Variants in MSS51 observed in about 807,000 individuals in gnomAD.
MSS51 encodes the protein MSS51 mitochondrial translational activator.
Under a neutral mutation model 40.2 loss-of-function variants are expected in MSS51, and 32 were observed. The observed-to-expected ratio is 0.80, with a 90% CI of 0.60 to 1.07. The LOEUF (loss-of-function observed/expected upper bound fraction) is 1.07, where lower values mean the gene tolerates loss of function less well. MSS51 is among the 50% of genes least tolerant of loss of function. The pLI is 0.00. For missense variants in MSS51, 518 were observed against 568.9 expected (o/e 0.91, Z 0.91); for synonymous variants, 178 against 214.2 (o/e 0.83, Z 1.48).
intron 1 of MSS51, chr10:73,429,760 C>A: frequency 2.2e-6 from 1 of 445,606 alleles, no homozygotes; most frequent in South Asian, 1.6e-5. Context: ...TACTGATAAA[C>A]AGATGAAATC....
chr10:73,428,201 C>A lies in MSS51; in HGVS notation c.84G>T (p.Val28=), dbSNP rs367847987. The part of the protein sequence containing the change: ...APIIMAPTTI[V]TPVPLTPSKP... ...TTGAGGGGGTCAGAGGCACAGGGGT[C>A]ACAATTGTGGTTGGGGCCATGATGA... The change falls in exon 2 of 7, where the codon GTG becomes GTT. Residue 28 remains valine (V), a synonymous_variant. Transcript: ENST00000299432. 1.9e-5 allele frequency: 30 copies of A among 1,613,928 alleles called. No homozygotes were observed. The African/African-American group carries it at 3.7e-4, about 20-fold the overall frequency.
At chr10:73,430,189 G>C (rs1015475380) in intron 1 of MSS51, among the ~76,000 whole-genome samples, 2 of 152,116 alleles carry the variant, frequency 1.3e-5, no homozygotes, top group African/African-American at 4.8e-5. Context: ...TCATGACATA[G>C]GTTTGGCAAT....
intron 1 of MSS51, among the ~76,000 whole-genome samples, chr10:73,432,970 G>C (rs971666549): frequency 6.6e-6 from 1 of 152,152 alleles, no homozygotes; most frequent in Non-Finnish European, 1.5e-5. Flanking sequence ...ACTTTCCAGA[G>C]TCTAGAATGC....
Position 73,423,676 on chromosome 10 carries a change from A to G in MSS51, c.*877T>C, listed in dbSNP as rs1163656652. ...AAGTCTGATATAGCTTGGGATATCTAAAATATAACACCAGGGCTACTCTAG... is the reference window on the plus strand; with the variant it reads ...AAGTCTGATATAGCTTGGGATATCTGAAATATAACACCAGGGCTACTCTAG... On this transcript the variant is annotated 3_prime_UTR_variant, in exon 7 of 7. Transcript: ENST00000299432. The G allele has an allele frequency of 6.6e-6, 1 of 152,226 alleles. No homozygotes were observed. Among genetic ancestry groups the G allele is most frequent in the Non-Finnish European group, 1.5e-5 (1 of 68,052 alleles). The allele number at this position is 152,226 out of a possible 1,614,324, so 9.4% of individuals were successfully genotyped here. A position where few individuals can be genotyped will look rare whatever the true frequency, so the allele number is the denominator to read the frequency against.
At position 73,425,022 on chromosome 10, in the gene MSS51, G is replaced by A. The variant is rs2055971098; in HGVS notation, c.1163+76C>T. ...CACCAGAAGGTAGATGAGCAAGAGGGGGGCAAAAATGAGCTCATCTATATA... is the reference window on the plus strand; with the variant it reads ...CACCAGAAGGTAGATGAGCAAGAGGAGGGCAAAAATGAGCTCATCTATATA... On this transcript the variant is annotated intron_variant, in intron 6 of 6. Coordinates refer to ENST00000299432, the MANE Select transcript of MSS51 (RefSeq NM_001024593.2). The A allele has an allele frequency of 9.3e-6, 11 of 1,176,704 alleles. No individual in the cohort carries two copies. The South Asian group carries it at 1.2e-4, about 13-fold the overall frequency. The allele number at this position is 1,176,704 out of a possible 1,614,324, so 72.9% of individuals were successfully genotyped here. A position where few individuals can be genotyped will look rare whatever the true frequency, so the allele number is the denominator to read the frequency against.
At chr10:73,429,433 T>C (rs1051232068) in intron 1 of MSS51, among the ~76,000 whole-genome samples, 1 of 152,210 alleles carries the variant, frequency 6.6e-6, no homozygotes, top group Non-Finnish European at 1.5e-5. Flanking sequence ...ATTGGAGAGT[T>C]AGACAGTTTA....
chr10:73,429,030 C>A (rs1399444248), intron 1 of MSS51, among the ~76,000 whole-genome samples: 3 of 151,522 alleles, frequency 2.0e-5, no homozygotes, highest in Non-Finnish European at 2.9e-5. Context: ...CATGGTGAAA[C>A]CCCATCTGTA....
chr10:73,429,644 T>C (rs1328085283), intron 1 of MSS51: 1 of 456,470 alleles, frequency 2.2e-6, no homozygotes, highest in Non-Finnish European at 4.4e-6. Flanking sequence ...GACTCTGTGC[T>C]GTCCTCTTTC....
At chr10:73,429,689 C>T (rs1228711609) in intron 1 of MSS51, 1 of 456,064 alleles carries the variant, frequency 2.2e-6, no homozygotes, top group South Asian at 1.5e-5. Context: ...TCCATAAGAG[C>T]TGAGTAAACA....
At position 73,424,448 on chromosome 10, in the gene MSS51, A is replaced by G. The variant is rs2055965241; in HGVS notation, c.*105T>C. The G allele has an allele frequency of 2.4e-5, 21 of 860,380 alleles. No individual in the cohort carries two copies. Among genetic ancestry groups the G allele is most frequent in the Non-Finnish European group, 3.8e-5 (20 of 525,546 alleles). The allele number at this position is 860,380 out of a possible 1,614,324, so 53.3% of individuals were successfully genotyped here. ...CTTAGAATTTTTACCCAAACAGTAA[A>G]TGAGGTTTAGAATATAATGTTTTTC... On this transcript the variant is annotated 3_prime_UTR_variant, in exon 7 of 7. Transcript: ENST00000299432.
At chr10:73,425,269 G>T in intron 5 of MSS51, 78 bp from the exon 6 acceptor site, 1 of 857,470 alleles carries the variant, frequency 1.2e-6, no homozygotes, top group Non-Finnish European at 1.8e-6. Flanking sequence ...TTGACTGTGA[G>T]CACCCCACCC....
chr10:73,432,859 C>T lies in MSS51; in HGVS notation c.-18+654G>A, dbSNP rs117471858. 3.3e-5 allele frequency among the ~76,000 whole-genome samples: 5 copies of T among 152,200 alleles called. No individual in the cohort carries two copies. The East Asian group carries it at 9.7e-4, about 29-fold the overall frequency. On this transcript the variant is annotated intron_variant, in intron 1 of 6. Coordinates refer to ENST00000299432, the MANE Select transcript of MSS51 (RefSeq NM_001024593.2). ...TGGTTCTAAATCTCCTGTAAAGAGCCCCAGGCTACTCCCTGTTCACAGGTT... is the reference window on the plus strand; with the variant it reads ...TGGTTCTAAATCTCCTGTAAAGAGCTCCAGGCTACTCCCTGTTCACAGGTT...
At chr10:73,433,067 G>A (rs933131491) in intron 1 of MSS51, among the ~76,000 whole-genome samples, 1 of 152,060 alleles carries the variant, frequency 6.6e-6, no homozygotes, top group African/African-American at 2.4e-5. Flanking sequence ...ATAAGAGAGA[G>A]AACACCAACA....
intron 6 of MSS51, 37 bp downstream of exon 6, chr10:73,425,061 A>G (rs1384505708): frequency 6.7e-7 from 1 of 1,482,308 alleles, no homozygotes; most frequent in Admixed American, 1.7e-5. Flanking sequence ...AGAGATGTAA[A>G]GTCAGGGAAG....
intron 4 of MSS51, 105 bp from the exon 5 acceptor site, chr10:73,426,482 G>A (rs1231833517): frequency 1.9e-6 from 3 of 1,577,316 alleles, no homozygotes; most frequent in African/African-American, 2.7e-5. Context: ...GCCAACCTGT[G>A]AGCAGGCGTG....
chr10:73,425,060 A>G lies in MSS51; in HGVS notation c.1163+38T>C, dbSNP rs527347768. On this transcript the variant is annotated intron_variant, in intron 6 of 6. Coordinates refer to ENST00000299432, the MANE Select transcript of MSS51 (RefSeq NM_001024593.2). ...GCTCATCTATATAAAGAGAGATGTAAAGTCAGGGAAGTATCACAAATAGGA... is the reference window on the plus strand; with the variant it reads ...GCTCATCTATATAAAGAGAGATGTAGAGTCAGGGAAGTATCACAAATAGGA... The G allele has an allele frequency of 7.4e-6, 11 of 1,477,842 alleles. No individual in the cohort carries two copies. In the East Asian group the frequency reaches 2.3e-4, roughly 30 times the overall value. 91.5% of individuals were successfully genotyped at this position (1,477,842 alleles called of 1,614,324 possible). A position where few individuals can be genotyped will look rare whatever the true frequency, so the allele number is the denominator to read the frequency against.
At chr10:73,426,448 C>G (rs2055989083) in intron 4 of MSS51, 71 bp from the exon 5 acceptor site, 2 of 1,575,406 alleles carry the variant, frequency 1.3e-6, no homozygotes, top group Admixed American at 3.5e-5. Flanking sequence ...CACTAATGAT[C>G]AATATTCCCT....
chr10:73,426,592 A>T lies in MSS51; in HGVS notation c.502+15T>A. ...ATGACCATTATGGCAGAGATCCTCA[A>T]CACCACCACTCCACCTGTGACCAGA... On this transcript the variant is annotated intron_variant, in intron 4 of 6. Coordinates refer to ENST00000299432, the MANE Select transcript of MSS51 (RefSeq NM_001024593.2). 1.9e-6 allele frequency: 3 copies of T among 1,613,882 alleles called. No homozygotes were observed. The highest frequency in any genetic ancestry group is 2.7e-5 in the African/African-American group (2 of 74,974).
Position 73,426,230 on chromosome 10 carries a change from C to T in MSS51, c.650G>A (p.Ser217Asn). The T allele has an allele frequency of 6.2e-7, 1 of 1,613,994 alleles. No homozygotes were observed. The stretch of plus-strand genomic sequence containing the variant: ...CGGGTCTGGCCTTGGCCGTCCTACA[C>T]TGGCCCATAAGGTGGTCACAGCATG... ...VSHAVTTLWA[S>N]VGRPRPDPDV... Residue 217 changes from serine to asparagine, a missense_variant, in exon 5 of 7, where the codon AGT (serine) becomes AAT (asparagine). By Grantham distance (46) the Ser-to-Asn change is conservative (BLOSUM62 1). Transcript: ENST00000299432.
Sources: allele counts gnomAD v4.1 joint callset (sites outside exome capture counted in the v4.1 genomes callset), GRCh38; gene constraint gnomAD v4.1.1; transcripts MANE v1.5; gene names NCBI Gene and HGNC (gene_info 2026-07-23, HGNC 2026-07-21).